ZNF85: variants seen among roughly 807,000 people sequenced by gnomAD.
ZNF85 encodes the protein zinc finger protein 85 (HPF4, HTF1).
ZNF85 carries 50 observed loss-of-function variants against 53.9 expected under a neutral mutation model. The observed-to-expected ratio is 0.93, with a 90% confidence interval of 0.74 to 1.17. ZNF85 has a LOEUF of 1.17. Ranked by LOEUF, ZNF85 falls within the 50% of genes most tolerant of loss-of-function variation. ZNF85 has a pLI of 0.00. For missense variants in ZNF85, 747 were observed against 688.5 expected (o/e 1.08, Z -0.95); for synonymous variants, 225 against 226.1 (o/e 1.00, Z 0.04).
chr19:20,939,234 T>G (rs1262015725), intron 3 of ZNF85, among the ~76,000 whole-genome samples: 1 of 152,142 alleles, frequency 6.6e-6, no homozygotes, highest in East Asian at 1.9e-4. Flanking sequence ...CAGTTCCATA[T>G]TAGTGTGTTT....
In ZNF85 at chr19:20,950,165, T is replaced by C. The variant is rs199671670; in HGVS notation, c.1651T>C (p.Ser551Pro). ...EECGKAFNQSSNLTKHKRIHT... is the reference protein window; with the variant it reads ...EECGKAFNQSPNLTKHKRIHT... ...ATGTGGCAAAGCCTTTAACCAGTCC[T>C]CAAACCTTACTAAACATAAGAGAAT... The change falls in exon 4 of 4, where the codon TCA becomes CCA. Residue 551 changes from serine (S) to proline (P), a missense_variant. Coordinates refer to ENST00000328178, the MANE Select transcript of ZNF85 (RefSeq NM_003429.5). 337 of 1,613,470 alleles carry C rather than the reference T, an allele frequency of 2.1e-4. No homozygotes were observed. Among genetic ancestry groups the C allele is most frequent in the Non-Finnish European group, 2.6e-4 (312 of 1,179,790 alleles).
At chr19:20,948,369 T>C (rs1973471880) in intron 3 of ZNF85, among the ~76,000 whole-genome samples, 1 of 152,082 alleles carries the variant, frequency 6.6e-6, no homozygotes, top group Non-Finnish European at 1.5e-5. Flanking sequence ...TAAAAATGTT[T>C]TTTGCCGCTA....
At chr19:20,945,300 G>A (rs1477085968) in intron 3 of ZNF85, among the ~76,000 whole-genome samples, 1 of 152,046 alleles carries the variant, frequency 6.6e-6, no homozygotes, top group Non-Finnish European at 1.5e-5. Context: ...CCATTTTGTA[G>A]CACTTTCCAA....
chr19:20,934,265 T>C, intron 2 of ZNF85, 115 bp downstream of exon 2: 1 of 1,371,286 alleles, frequency 7.3e-7, no homozygotes, highest in South Asian at 1.4e-5. Context: ...CAGATCCCTG[T>C]TTTCAAGAAA....
chr19:20,927,964 G>T (rs1217159515), intron 1 of ZNF85: 1 of 152,056 alleles, frequency 6.6e-6, no homozygotes, highest in Non-Finnish European at 1.5e-5. Flanking sequence ...TATTTTCCAG[G>T]ATTATGTATG....
chr19:20,935,090 G>A, intron 3 of ZNF85, 43 bp downstream of exon 3: 11 of 1,367,106 alleles, frequency 8.0e-6, no homozygotes, highest in Non-Finnish European at 1.1e-5. Flanking sequence ...ACACATGAGA[G>A]GTCCAAAGGC....
At chr19:20,942,896 C>A in intron 3 of ZNF85, 1 of 684,000 alleles carries the variant, frequency 1.5e-6, no homozygotes, top group Non-Finnish European at 2.6e-6. Context: ...CCACCTCAGC[C>A]TCCCGAGTAG....
At chr19:20,943,623 T>C (rs1056113575) in intron 3 of ZNF85, 6 of 152,160 alleles carry the variant, frequency 3.9e-5, no homozygotes, top group Non-Finnish European at 7.3e-5. Flanking sequence ...TTCTGTAACG[T>C]TGTCTAAGTT....
chr19:20,930,357 A>G (rs55997215), intron 1 of ZNF85, among the ~76,000 whole-genome samples: 15,560 of 151,830 alleles, frequency 0.1, 886 homozygotes, highest in Non-Finnish European at 0.13. Context: ...TGCAAGTCAC[A>G]TAAAATTAAA....
intron 1 of ZNF85, among the ~76,000 whole-genome samples, chr19:20,929,916 C>G (rs112633031): frequency 2.0e-5 from 3 of 151,998 alleles, no homozygotes; most frequent in African/African-American, 4.8e-5. Flanking sequence ...GTCAGGAGTT[C>G]GAGACCAGCC....
intron 3 of ZNF85, among the ~76,000 whole-genome samples, chr19:20,938,908 TATTTA>T (rs1015606400): frequency 5.9e-5 from 9 of 152,010 alleles, no homozygotes; most frequent in African/African-American, 2.2e-4. Flanking sequence ...GTGTGTATTT[TATTTA>T]GCAGTTTAAG....
rs114061406 is a variant in ZNF85 at position 20,950,558 on chromosome 19, A to G, written c.*256A>G. The G allele has an allele frequency of 7.4e-3, 2,527 of 343,388 alleles. 54 individuals carry two copies. The highest frequency in any genetic ancestry group is 0.048 in the African/African-American group (2,270 of 47,388). 21.3% of individuals were successfully genotyped at this position (343,388 alleles called of 1,614,324 possible). A position where few individuals can be genotyped will look rare whatever the true frequency, so the allele number is the denominator to read the frequency against. ...CAAACAATGTGGCAAAACTTAATTTATGCTCACACCTTACTGCACAGAAAA... is the reference window on the plus strand; with the variant it reads ...CAAACAATGTGGCAAAACTTAATTTGTGCTCACACCTTACTGCACAGAAAA... On this transcript the variant is annotated 3_prime_UTR_variant, in exon 4 of 4. Transcript: ENST00000328178.
intron 3 of ZNF85, among the ~76,000 whole-genome samples, chr19:20,935,593 G>A (rs1455202703): frequency 6.6e-6 from 1 of 151,622 alleles, no homozygotes; most frequent in Non-Finnish European, 1.5e-5. Flanking sequence ...GCTATTCAAA[G>A]TTTATTATAG....
intron 1 of ZNF85, chr19:20,928,716 GT>G (rs1385501140): frequency 1.3e-5 from 2 of 152,246 alleles, no homozygotes; most frequent in Non-Finnish European, 2.9e-5. Flanking sequence ...GCAGCAAACT[GT>G]TTTCTCCACC....
intron 3 of ZNF85, among the ~76,000 whole-genome samples, chr19:20,947,535 T>A: frequency 1.4e-5 from 2 of 141,262 alleles, no homozygotes; most frequent in Admixed American, 7.1e-5. Context: ...TCAGGACTAT[T>A]ACAATATCAC....
In ZNF85 at chr19:20,949,109, G is replaced by T; in HGVS notation, c.595G>T (p.Val199Leu). Residue 199 changes from valine to leucine, a missense_variant, in exon 4 of 4, where the codon GTA becomes TTA. Transcript: ENST00000328178. ...LTEHSRIHTR[V>L]NFYKCEECGK... ...TGAACATAGCAGAATTCATACTAGAGTAAATTTCTACAAATGTGAAGAATG... is the reference window on the plus strand; with the variant it reads ...TGAACATAGCAGAATTCATACTAGATTAAATTTCTACAAATGTGAAGAATG... The T allele has an allele frequency of 6.2e-7, 1 of 1,613,560 alleles. No individual in the cohort carries two copies. Among genetic ancestry groups the T allele is most frequent in the Non-Finnish European group, 8.5e-7 (1 of 1,179,740 alleles).
chr19:20,924,428 G>A (rs1972833052), intron 1 of ZNF85, among the ~76,000 whole-genome samples: 1 of 152,106 alleles, frequency 6.6e-6, no homozygotes, highest in Non-Finnish European at 1.5e-5. Flanking sequence ...TTAAAAAGGA[G>A]GACCCCAGGG....
rs1209715252 is a variant in ZNF85 at position 20,949,545 on chromosome 19, G to A, written c.1031G>A (p.Cys344Tyr). 3 of 1,612,924 alleles carry A rather than the reference G, an allele frequency of 1.9e-6. No individual in the cohort carries two copies. The South Asian group carries it at 3.3e-5, about 18-fold the overall frequency. ...IIHTGEKPYKCKKCGKAFNQS... is the reference protein window; with the variant it reads ...IIHTGEKPYKYKKCGKAFNQS... ...CATACTGGAGAGAAACCCTACAAAT[G>A]TAAAAAATGTGGAAAAGCCTTTAAC... is the stretch of plus-strand genomic sequence containing the variant. The change falls in exon 4 of 4, where the codon TGT becomes TAT. Residue 344 changes from cysteine to tyrosine, a missense_variant. Cys to Tyr is a radical substitution (Grantham distance 194). Coordinates refer to ENST00000328178, the MANE Select transcript of ZNF85 (RefSeq NM_003429.5).
In ZNF85 at chr19:20,949,350, T is replaced by C; in HGVS notation, c.836T>C (p.Ile279Thr). 1 of 1,609,390 alleles carries C rather than the reference T, an allele frequency of 6.2e-7. No individual in the cohort carries two copies. Among genetic ancestry groups the C allele is most frequent in the Non-Finnish European group, 8.5e-7 (1 of 1,177,016 alleles). The change falls in exon 4 of 4, where the codon ATT becomes ACT. Residue 279 changes from isoleucine (I) to threonine (T), a missense_variant. Physicochemically the swap from Ile to Thr is moderately conservative, Grantham distance 89. Transcript: ENST00000328178. ...RFSTLTTHKI[I>T]HTGEKPYKCK... Reference sequence around the variant, plus strand: ...TCAACTCTTACTACCCATAAGATAATTCATACTGGAGAGAAACCCTACAAA... The same window carrying C: ...TCAACTCTTACTACCCATAAGATAACTCATACTGGAGAGAAACCCTACAAA...
Sources: allele counts gnomAD v4.1 joint callset (sites outside exome capture counted in the v4.1 genomes callset), GRCh38; gene constraint gnomAD v4.1.1; transcripts MANE v1.5; gene names NCBI Gene and HGNC (gene_info 2026-07-23, HGNC 2026-07-21).